Variants in HPSE2 observed in about 807,000 individuals in gnomAD.
HPSE2 encodes heparanase 2 (inactive).
Under a neutral mutation model 60.5 loss-of-function variants are expected in HPSE2, and 38 were observed. The observed-to-expected ratio is 0.63, with a 90% CI of 0.48 to 0.82. The LOEUF (loss-of-function observed/expected upper bound fraction) is 0.82, where lower values mean the gene tolerates loss of function less well. Ranked by LOEUF, HPSE2 falls within the 40% of genes least tolerant of loss-of-function variation. HPSE2 has a pLI of 0.00. For synonymous variants in HPSE2, 295 were observed against 293.2 expected, an observed-to-expected ratio of 1.01 and a Z score of -0.06; for missense variants, 713 against 740.4, an observed-to-expected ratio of 0.96 and a Z score of 0.43.
At chr10:98,890,051 A>C (rs1689896478) in intron 3 of HPSE2, among the ~76,000 whole-genome samples, 1 of 152,228 alleles carries the variant, frequency 6.6e-6, no homozygotes, top group African/African-American at 2.4e-5. Context: ...ATGCCCATTT[A>C]GTTAAGTTGT....
intron 5 of HPSE2, among the ~76,000 whole-genome samples, chr10:98,715,673 G>C (rs1259358974): frequency 1.3e-5 from 2 of 152,012 alleles, no homozygotes; most frequent in Admixed American, 1.3e-4. Flanking sequence ...AGTCTATTAA[G>C]TATGCAACAG....
chr10:99,140,807 G>A (rs1301771896), intron 3 of HPSE2, among the ~76,000 whole-genome samples: 1 of 152,180 alleles, frequency 6.6e-6, no homozygotes, highest in Non-Finnish European at 1.5e-5. Context: ...GGGAGGCCGA[G>A]GTGGGCGGAT....
intron 9 of HPSE2, among the ~76,000 whole-genome samples, chr10:98,543,155 G>C (rs542067696): frequency 6.6e-6 from 1 of 152,294 alleles, no homozygotes; most frequent in East Asian, 1.9e-4. Flanking sequence ...CAAGCCAGAA[G>C]AGAGTGGGGG....
intron 3 of HPSE2, among the ~76,000 whole-genome samples, chr10:99,020,793 G>A (rs1038863669): frequency 6.6e-6 from 1 of 152,058 alleles, no homozygotes; most frequent in Non-Finnish European, 1.5e-5. Flanking sequence ...ATGTACCTGG[G>A]GACAGGTGAA....
intron 3 of HPSE2, among the ~76,000 whole-genome samples, chr10:98,837,909 C>T (rs540845630): frequency 4.6e-5 from 7 of 150,962 alleles, no homozygotes; most frequent in Middle Eastern, 3.5e-3. Flanking sequence ...TATATCTGTG[C>T]GGTTTTGCTT....
the HPSE2 span, among the ~76,000 whole-genome samples, chr10:99,259,035 G>T: frequency 6.6e-6 from 1 of 152,138 alleles, no homozygotes; most frequent in Non-Finnish European, 1.5e-5. Context: ...TAAAACATTT[G>T]CTCTTCAAAA....
intron 9 of HPSE2, among the ~76,000 whole-genome samples, chr10:98,582,882 A>G (rs4917844): frequency 0.26 from 39,066 of 152,032 alleles, 5,283 homozygotes; most frequent in East Asian, 0.47. Context: ...TTCCATAACT[A>G]TTCATAGTCA....
chr10:98,722,090 C>T (rs897478431), intron 4 of HPSE2, among the ~76,000 whole-genome samples: 1 of 151,236 alleles, frequency 6.6e-6, no homozygotes, highest in East Asian at 1.9e-4. Context: ...TCAGGTGCTA[C>T]TTCATAACGA....
chr10:99,268,550 G>A, the HPSE2 span, among the ~76,000 whole-genome samples: 6 of 151,228 alleles, frequency 4.0e-5, no homozygotes, highest in South Asian at 1.3e-3. Context: ...GGAGGCTGAG[G>A]CAGAAGAATC....
At chr10:98,506,255 T>C (rs568983326) in intron 9 of HPSE2, among the ~76,000 whole-genome samples, 52 of 152,308 alleles carry the variant, frequency 3.4e-4, no homozygotes, top group Non-Finnish European at 5.4e-4. Context: ...TCTTTTATAA[T>C]GAAAATAAAT....
chr10:99,163,379 C>T (rs192035523), intron 2 of HPSE2, among the ~76,000 whole-genome samples: 12 of 152,204 alleles, frequency 7.9e-5, no homozygotes, highest in East Asian at 1.9e-4. Flanking sequence ...TTCAAAAATA[C>T]GTAAAGTCCT....
chr10:98,727,295 G>A (rs936234584), intron 4 of HPSE2, among the ~76,000 whole-genome samples: 5 of 152,102 alleles, frequency 3.3e-5, no homozygotes, highest in Admixed American at 6.6e-5. Flanking sequence ...CATAGAAACT[G>A]CCTCTATATT....
At chr10:98,748,786 T>C (rs930608434) in intron 3 of HPSE2, among the ~76,000 whole-genome samples, 1 of 152,008 alleles carries the variant, frequency 6.6e-6, no homozygotes, top group Non-Finnish European at 1.5e-5. Flanking sequence ...AACCCAGATA[T>C]GCAGTCTTAA....
chr10:98,884,175 G>A (rs763384950), intron 3 of HPSE2, among the ~76,000 whole-genome samples: 3 of 152,086 alleles, frequency 2.0e-5, no homozygotes, highest in Non-Finnish European at 4.4e-5. Flanking sequence ...TTAATTCTCT[G>A]AAGGCTGAGA....
At chr10:98,576,725 C>A (rs4919243) in intron 9 of HPSE2, among the ~76,000 whole-genome samples, 2 of 151,720 alleles carry the variant, frequency 1.3e-5, no homozygotes, top group East Asian at 2.0e-4. Flanking sequence ...CTCCCCTCCT[C>A]CATCCTGTCC....
chr10:98,504,931 G>A (rs1411465972), intron 9 of HPSE2, among the ~76,000 whole-genome samples: 4 of 152,004 alleles, frequency 2.6e-5, no homozygotes, highest in African/African-American at 9.7e-5. Context: ...TATTCAGTGT[G>A]TTAGCTTTAT....
chr10:99,306,869 C>A, the HPSE2 span, among the ~76,000 whole-genome samples: 2 of 152,240 alleles, frequency 1.3e-5, no homozygotes, highest in South Asian at 4.1e-4. Flanking sequence ...CGGCACCATG[C>A]CCAGCTAATT....
intron 3 of HPSE2, among the ~76,000 whole-genome samples, chr10:98,866,110 T>C (rs1219875242): frequency 6.6e-6 from 1 of 152,066 alleles, no homozygotes; most frequent in African/African-American, 2.4e-5. Flanking sequence ...CTGACAGATA[T>C]GTTAGAATTA....
chr10:98,475,243 G>A (rs969615150), intron 11 of HPSE2, among the ~76,000 whole-genome samples: 1 of 150,892 alleles, frequency 6.6e-6, no homozygotes, highest in African/African-American at 2.4e-5. Context: ...TCATCCTCCC[G>A]AGTAGCTGGA....
Sources: gnomAD v4.1 joint callset for allele counts (sites outside exome capture counted in the v4.1 genomes callset) on GRCh38, gnomAD v4.1.1 for gene constraint, MANE v1.5 for transcripts, NCBI Gene and HGNC (gene_info 2026-07-23, HGNC 2026-07-21) for gene names.